LRRTM3: variants seen among roughly 807,000 people sequenced by gnomAD.
LRRTM3 encodes leucine rich repeat transmembrane neuronal 3.
Under a neutral mutation model 44.7 loss-of-function variants are expected in LRRTM3, and 24 were observed. That is an observed-to-expected ratio of 0.54 (90% CI 0.39 to 0.76). LRRTM3 has a LOEUF of 0.76. Among genes scored for constraint, LRRTM3 ranks in the 30% least tolerant of loss-of-function variants. The probability of loss-of-function intolerance (pLI) is 0.00; values close to 1 mark genes in which losing one functional copy is unlikely to be tolerated. For missense variants in LRRTM3, 587 were observed against 702.2 expected, an observed-to-expected ratio of 0.84 and a Z score of 1.85; for synonymous variants, 277 against 278.7, an observed-to-expected ratio of 0.99 and a Z score of 0.06.
chr10:67,012,963 C>A (rs773919649), intron 2 of LRRTM3: 2 of 152,116 alleles, frequency 1.3e-5, no homozygotes, highest in Non-Finnish European at 2.9e-5. Flanking sequence ...AAAACCAACA[C>A]TTTTCCCTTA....
intron 2 of LRRTM3, among the ~76,000 whole-genome samples, chr10:67,082,124 G>A (rs891994276): frequency 4.6e-5 from 7 of 152,156 alleles, no homozygotes; most frequent in Admixed American, 3.9e-4. Flanking sequence ...CAATGCTATA[G>A]AGAGGATTTT....
At chr10:66,967,135 T>C (rs1213608749) in intron 2 of LRRTM3, among the ~76,000 whole-genome samples, 2 of 151,988 alleles carry the variant, frequency 1.3e-5, no homozygotes, top group African/African-American at 2.4e-5. Context: ...ACAATGGTTA[T>C]AGCAAAAAAT....
chr10:66,944,227 C>T (rs11598787), intron 2 of LRRTM3, among the ~76,000 whole-genome samples: 25,621 of 152,174 alleles, frequency 0.17, 2,274 homozygotes, highest in Non-Finnish European at 0.18. Flanking sequence ...TATTCTAAAT[C>T]ATTTGTTATT....
chr10:67,063,404 G>T (rs558110657), intron 2 of LRRTM3, among the ~76,000 whole-genome samples: 59 of 152,250 alleles, frequency 3.9e-4, no homozygotes, highest in African/African-American at 1.2e-3. Context: ...AAAGTTAGGG[G>T]TCTCAATCAG....
intron 2 of LRRTM3, among the ~76,000 whole-genome samples, chr10:66,943,224 G>A (rs1178861054): frequency 1.3e-5 from 2 of 152,176 alleles, no homozygotes; most frequent in Non-Finnish European, 2.9e-5. Flanking sequence ...GTTTCTAAAT[G>A]ACACAAGATC....
intron 2 of LRRTM3, among the ~76,000 whole-genome samples, chr10:66,958,308 CAAAAAAAAAAAAA>C (rs35076056): frequency 0.013 from 1,090 of 86,962 alleles, 21 homozygotes; most frequent in African/African-American, 0.042. Flanking sequence ...TGCTTTCTTG[CAAAAAAAAAAAAA>C]AAAAAAAAAA....
At chr10:66,977,502 A>G (rs1850118718) in intron 2 of LRRTM3, among the ~76,000 whole-genome samples, 1 of 152,128 alleles carries the variant, frequency 6.6e-6, no homozygotes, top group African/African-American at 2.4e-5. Flanking sequence ...ATAAAACTTT[A>G]GAAACTACAA....
At chr10:66,956,621 C>T (rs1848806061) in intron 2 of LRRTM3, among the ~76,000 whole-genome samples, 1 of 152,196 alleles carries the variant, frequency 6.6e-6, no homozygotes. Flanking sequence ...AGGCATAATG[C>T]TGTCATTTCA....
chr10:66,957,312 T>C (rs1357421263), intron 2 of LRRTM3, among the ~76,000 whole-genome samples: 1 of 151,228 alleles, frequency 6.6e-6, no homozygotes, highest in African/African-American at 2.4e-5. Context: ...AAAGAATACA[T>C]TTATTCCACA....
intron 2 of LRRTM3, among the ~76,000 whole-genome samples, chr10:67,080,314 T>C (rs1051491724): frequency 6.6e-6 from 1 of 152,188 alleles, no homozygotes; most frequent in Non-Finnish European, 1.5e-5. Context: ...GGTTAATTTC[T>C]ACCTTTCACA....
chr10:67,093,087 T>C (rs1750349248), intron 2 of LRRTM3, among the ~76,000 whole-genome samples: 1 of 151,976 alleles, frequency 6.6e-6, no homozygotes. Flanking sequence ...GAAGTAATGA[T>C]AAACAGGAGT....
intron 2 of LRRTM3, among the ~76,000 whole-genome samples, chr10:67,073,340 G>A (rs1397864482): frequency 6.6e-6 from 1 of 151,966 alleles, no homozygotes; most frequent in African/African-American, 2.4e-5. Context: ...TTGAAACCTG[G>A]AACAGTATTT....
chr10:67,032,098 T>G (rs957977169), intron 2 of LRRTM3, among the ~76,000 whole-genome samples: 1 of 152,192 alleles, frequency 6.6e-6, no homozygotes, highest in Non-Finnish European at 1.5e-5. Flanking sequence ...TCATGAAATC[T>G]TCACCATTTT....
chr10:67,095,518 C>T (rs1180905653), intron 2 of LRRTM3, among the ~76,000 whole-genome samples: 2 of 151,830 alleles, frequency 1.3e-5, no homozygotes, highest in Non-Finnish European at 3.0e-5. Context: ...ACTCTGCATA[C>T]CAGTCAGTAG....
intron 2 of LRRTM3, among the ~76,000 whole-genome samples, chr10:66,946,364 G>A (rs889995708): frequency 2.6e-5 from 4 of 152,126 alleles, no homozygotes; most frequent in African/African-American, 9.7e-5. Context: ...ATATGTGAGA[G>A]ACATTTGTAT....
At chr10:67,097,235 A>G (rs1323968644) in intron 2 of LRRTM3, among the ~76,000 whole-genome samples, 1 of 151,902 alleles carries the variant, frequency 6.6e-6, no homozygotes, top group East Asian at 1.9e-4. Context: ...CACTAATAAT[A>G]ATAATAATAG....
At chr10:66,954,836 A>G (rs1848707623) in intron 2 of LRRTM3, among the ~76,000 whole-genome samples, 1 of 152,134 alleles carries the variant, frequency 6.6e-6, no homozygotes, top group Non-Finnish European at 1.5e-5. Context: ...GCCTTGGGCT[A>G]CAAGTAGAGA....
intron 2 of LRRTM3, among the ~76,000 whole-genome samples, chr10:67,011,429 G>GA (rs34842168): frequency 0.53 from 80,470 of 151,504 alleles, 22,024 homozygotes; most frequent in Middle Eastern, 0.73. Context: ...AATTGCTAGT[G>GA]AAAAAACAGA....
intron 2 of LRRTM3, among the ~76,000 whole-genome samples, chr10:67,006,130 A>C (rs1415447075): frequency 2.6e-5 from 4 of 152,178 alleles, no homozygotes; most frequent in Non-Finnish European, 5.9e-5. Flanking sequence ...CTTGCAAGGT[A>C]AGAACTCCTG....
Sources: allele counts gnomAD v4.1 joint callset (sites outside exome capture counted in the v4.1 genomes callset), GRCh38; gene constraint gnomAD v4.1.1; transcripts MANE v1.5; gene names NCBI Gene and HGNC (gene_info 2026-07-23, HGNC 2026-07-21).